CTNNA3: variants seen among roughly 807,000 people sequenced by gnomAD.
CTNNA3 encodes the protein catenin alpha 3.
CTNNA3 carries 76 observed loss-of-function variants against 95.7 expected under a neutral mutation model. The ratio of observed to expected loss-of-function variants is 0.79; its 90% CI spans 0.66 to 0.96. The LOEUF (loss-of-function observed/expected upper bound fraction) is 0.96, where lower values mean the gene tolerates loss of function less well. Among genes scored for constraint, CTNNA3 ranks in the 40% least tolerant of loss-of-function variants. The pLI, the probability that CTNNA3 is intolerant of heterozygous loss-of-function variation, is 0.00. For missense variants in CTNNA3, 1,191 were observed against 1,089.8 expected (o/e 1.09, Z -1.31); for synonymous variants, 431 against 374.4 (o/e 1.15, Z -1.74).
chr10:66,876,956 A>G (rs1844649210), intron 7 of CTNNA3, among the ~76,000 whole-genome samples: 1 of 152,102 alleles, frequency 6.6e-6, no homozygotes, highest in Non-Finnish European at 1.5e-5. Flanking sequence ...TCTTTTAAAG[A>G]CTAGAGTGAG....
intron 6 of CTNNA3, among the ~76,000 whole-genome samples, chr10:67,214,383 A>C (rs1347696524): frequency 1.3e-5 from 2 of 151,762 alleles, no homozygotes; most frequent in African/African-American, 4.8e-5. Flanking sequence ...ATCCTTCCCC[A>C]AAAAATATAT....
intron 14 of CTNNA3, chr10:66,098,677 A>T (rs1459297206): frequency 6.6e-6 from 1 of 152,162 alleles, no homozygotes; most frequent in Non-Finnish European, 1.5e-5. Flanking sequence ...CAGATAAAAG[A>T]TGCCTATTTT....
At chr10:66,268,215 C>T (rs902618284) in intron 13 of CTNNA3, among the ~76,000 whole-genome samples, 9 of 151,928 alleles carry the variant, frequency 5.9e-5, no homozygotes, top group African/African-American at 2.2e-4. Flanking sequence ...TCCTTTTGAC[C>T]TTTACACTCT....
chr10:67,568,491 C>G (rs557804327), intron 3 of CTNNA3, among the ~76,000 whole-genome samples: 1 of 150,668 alleles, frequency 6.6e-6, no homozygotes, highest in Admixed American at 6.7e-5. Flanking sequence ...GTGTATAGTA[C>G]AGTACATATT....
chr10:66,383,706 G>C (rs1434331972), intron 11 of CTNNA3, among the ~76,000 whole-genome samples: 2 of 152,156 alleles, frequency 1.3e-5, no homozygotes, highest in African/African-American at 4.8e-5. Context: ...GAAAGGTTGA[G>C]TTACCCACAA....
intron 2 of CTNNA3, among the ~76,000 whole-genome samples, chr10:67,608,826 CA>C (rs1843360233): frequency 6.6e-6 from 1 of 152,260 alleles, no homozygotes; most frequent in East Asian, 1.9e-4. Flanking sequence ...GGCAGTGGCT[CA>C]TACCCATAAT....
Position 67,745,657 on chromosome 10 carries a change from T to C in CTNNA3, c.-2+17777A>G, listed in dbSNP as rs921705640. On this transcript the variant is annotated intron_variant, in intron 1 of 17. Coordinates refer to the CTNNA3 transcript ENST00000684154. ...CACATATACCCTAAAACTTAAAGTA[T>C]AATAATAATAAAACTTAAAAAAAGA... 1.3e-5 allele frequency among the ~76,000 whole-genome samples: 2 copies of C among 151,668 alleles called. 1 individual carries two copies. Among genetic ancestry groups the C allele is most frequent in the South Asian group, 4.2e-4 (2 of 4,794 alleles).
rs1017799901 is a variant in CTNNA3, at chr10:66,555,516, A to T, written c.1375-34743T>A. Among the ~76,000 whole-genome samples, 6 of 152,146 alleles carry T rather than the reference A, an allele frequency of 3.9e-5. 1 individual carries two copies. Among genetic ancestry groups the T allele is most frequent in the Non-Finnish European group, 7.4e-5 (5 of 67,986 alleles). The stretch of plus-strand genomic sequence containing the variant: ...AGTGTAACTGTGCATTCCGTATTTT[A>T]TCTGGTACCTCAGGCCAAAAGTGAC... On this transcript the variant is annotated intron_variant, in intron 10 of 17. Coordinates refer to ENST00000433211, the MANE Select transcript of CTNNA3 (RefSeq NM_013266.4).
intron 4 of CTNNA3, among the ~76,000 whole-genome samples, chr10:67,526,782 GA>G (rs1191368665): frequency 6.6e-6 from 1 of 152,146 alleles, no homozygotes. Context: ...CCATAAAATT[GA>G]AAAGACCATT....
intron 16 of CTNNA3, among the ~76,000 whole-genome samples, chr10:65,985,015 ATAAT>A (rs148853703): frequency 0.02 from 3,036 of 151,354 alleles, 108 homozygotes; most frequent in African/African-American, 0.069. Flanking sequence ...AAATTTTATA[ATAAT>A]TAAAGTAACA....
chr10:67,691,733 C>T (rs1191177632), intron 1 of CTNNA3, among the ~76,000 whole-genome samples: 9 of 151,416 alleles, frequency 5.9e-5, no homozygotes, highest in African/African-American at 1.2e-4. Flanking sequence ...TGTCTCCGCC[C>T]GGCAGCCACC....
At chr10:67,305,876 A>T (rs1840533369) in intron 5 of CTNNA3, among the ~76,000 whole-genome samples, 3 of 152,170 alleles carry the variant, frequency 2.0e-5, no homozygotes, top group Non-Finnish European at 4.4e-5. Flanking sequence ...AAACAGAATG[A>T]TCAGAAAACA....
intron 9 of CTNNA3, among the ~76,000 whole-genome samples, chr10:66,731,829 G>A (rs527573328): frequency 3.3e-5 from 5 of 152,212 alleles, no homozygotes; most frequent in Admixed American, 6.5e-5. Context: ...TGGAGTTTCC[G>A]GATGACATTC....
At chr10:65,975,089 A>G (rs2078185341) in intron 16 of CTNNA3, among the ~76,000 whole-genome samples, 2 of 152,096 alleles carry the variant, frequency 1.3e-5, no homozygotes, top group Admixed American at 1.3e-4. Flanking sequence ...GTAGCTCCAG[A>G]GTGTGTGCAC....
intron 5 of CTNNA3, among the ~76,000 whole-genome samples, chr10:67,481,038 G>C (rs1040258839): frequency 2.0e-5 from 3 of 152,158 alleles, no homozygotes; most frequent in Non-Finnish European, 2.9e-5. Flanking sequence ...AGGTTTTTCT[G>C]TGTCCATCAA....
intron 11 of CTNNA3, among the ~76,000 whole-genome samples, chr10:66,427,742 C>T (rs1485312389): frequency 1.3e-5 from 2 of 152,028 alleles, no homozygotes; most frequent in Non-Finnish European, 2.9e-5. Flanking sequence ...GACAAGGGCT[C>T]TGGAAGGAAG....
chr10:67,548,356 C>T (rs949420065), intron 3 of CTNNA3, among the ~76,000 whole-genome samples: 3 of 152,144 alleles, frequency 2.0e-5, no homozygotes, highest in African/African-American at 7.2e-5. Flanking sequence ...TTATAAATTA[C>T]CCAGTCTCAG....
upstream of CTNNA3, among the ~76,000 whole-genome samples, chr10:67,699,276 A>G (rs1316373869): frequency 1.4e-5 from 2 of 147,274 alleles, no homozygotes; most frequent in Non-Finnish European, 2.9e-5. Context: ...TGCCTTCATC[A>G]TAATACTTCC....
At chr10:66,492,181 C>T (rs578240699) in intron 11 of CTNNA3, among the ~76,000 whole-genome samples, 46 of 152,206 alleles carry the variant, frequency 3.0e-4, no homozygotes, top group African/African-American at 1.1e-3. Flanking sequence ...ACACACCATC[C>T]TTTTTTGCAT....
Sources: allele counts gnomAD v4.1 joint callset (sites outside exome capture counted in the v4.1 genomes callset), GRCh38; gene constraint gnomAD v4.1.1; transcripts MANE v1.5; gene names NCBI Gene and HGNC (gene_info 2026-07-23, HGNC 2026-07-21).